Variants in MAP2K5 observed in about 807,000 individuals in gnomAD.
MAP2K5 encodes mitogen-activated protein kinase kinase 5, also known as dual specificity mitogen-activated protein kinase kinase 5.
In MAP2K5, 49 loss-of-function variants were observed where a neutral mutation model predicts 83.1. The ratio of observed to expected loss-of-function variants is 0.59; its 90% CI spans 0.47 to 0.75. MAP2K5 has a LOEUF of 0.75. Among genes scored for constraint, MAP2K5 ranks in the 30% least tolerant of loss-of-function variants. MAP2K5 has a pLI of 0.00. For synonymous variants in MAP2K5, 202 were observed against 191.8 expected, an observed-to-expected ratio of 1.05 and a Z score of -0.44; for missense variants, 457 against 557.5, an observed-to-expected ratio of 0.82 and a Z score of 1.82.
chr15:67,666,891 G>A (rs1262413862), intron 13 of MAP2K5, among the ~76,000 whole-genome samples: 1 of 152,200 alleles, frequency 6.6e-6, no homozygotes, highest in Non-Finnish European at 1.5e-5. Flanking sequence ...CTAACGAATT[G>A]CAGTGCAGAT....
chr15:67,681,584 A>T (rs1297934887), intron 13 of MAP2K5, among the ~76,000 whole-genome samples: 6 of 152,246 alleles, frequency 3.9e-5, no homozygotes, highest in African/African-American at 1.4e-4. Context: ...TTGTGCCTTT[A>T]TCTTACTATT....
At chr15:67,742,643 A>G (rs967784760) in intron 17 of MAP2K5, among the ~76,000 whole-genome samples, 2 of 152,220 alleles carry the variant, frequency 1.3e-5, no homozygotes, top group Non-Finnish European at 2.9e-5. Context: ...AAAATCTTCA[A>G]AACTTAGGTA....
chr15:67,769,704 G>T lies in MAP2K5; in HGVS notation c.1196+41G>T. 1 of 1,598,288 alleles carries T rather than the reference G, an allele frequency of 6.3e-7. No individual in the cohort carries two copies. Among genetic ancestry groups the T allele is most frequent in the South Asian group, 1.1e-5 (1 of 90,506 alleles). On this transcript the variant is annotated intron_variant, in intron 20 of 21. Coordinates refer to ENST00000178640, the MANE Select transcript of MAP2K5 (RefSeq NM_145160.3). This position sits in a 1 kb window ranked among gnomAD's most constrained non-coding sequence, Gnocchi z 5.2. ...AACATGCCATGCCCTCAATGTAAAT[G>T]ATACATGCCATTAACTCGGCAGCTC...
chr15:67,658,652 T>C, intron 12 of MAP2K5, 38 bp downstream of exon 12: 5 of 1,501,210 alleles, frequency 3.3e-6, no homozygotes, highest in Non-Finnish European at 4.6e-6. Flanking sequence ...ATTTGAGTGA[T>C]TTAATCCTTC....
chr15:67,678,092 A>G (rs1455251114), intron 13 of MAP2K5, among the ~76,000 whole-genome samples: 1 of 152,258 alleles, frequency 6.6e-6, no homozygotes, highest in Non-Finnish European at 1.5e-5. Flanking sequence ...ATGAATTTGT[A>G]ATGCAGAACG....
intron 21 of MAP2K5, among the ~76,000 whole-genome samples, chr15:67,792,014 A>C (rs1434934513): frequency 1.3e-5 from 2 of 152,182 alleles, no homozygotes; most frequent in African/African-American, 4.8e-5. Context: ...ACAGAGCACC[A>C]GGCAGAGGAG....
chr15:67,754,176 G>C (rs55847901), intron 19 of MAP2K5, among the ~76,000 whole-genome samples: 211 of 152,252 alleles, frequency 1.4e-3, no homozygotes, highest in African/African-American at 4.9e-3. Flanking sequence ...ACAGGTACAA[G>C]GTTTCTTTTT....
intron 17 of MAP2K5, among the ~76,000 whole-genome samples, chr15:67,728,296 T>C (rs2089145466): frequency 6.6e-6 from 1 of 152,192 alleles, no homozygotes; most frequent in South Asian, 2.1e-4. Context: ...CTTAAAATTT[T>C]TTGAGTTAAA....
intron 9 of MAP2K5, among the ~76,000 whole-genome samples, chr15:67,643,931 T>G (rs1019933551): frequency 6.6e-6 from 1 of 152,248 alleles, no homozygotes; most frequent in African/African-American, 2.4e-5. Context: ...TGTATATATA[T>G]TCTTCAGTTG....
At chr15:67,731,538 T>G (rs1256521242) in intron 17 of MAP2K5, among the ~76,000 whole-genome samples, 3 of 152,182 alleles carry the variant, frequency 2.0e-5, no homozygotes, top group Non-Finnish European at 4.4e-5. Flanking sequence ...GAGCACAGTC[T>G]TATTACTACT....
intron 21 of MAP2K5, among the ~76,000 whole-genome samples, chr15:67,772,999 C>G (rs980470751): frequency 6.6e-6 from 1 of 152,148 alleles, no homozygotes; most frequent in Admixed American, 6.5e-5. Flanking sequence ...GGGTCACAAA[C>G]TTAATGTAGG....
At chr15:67,551,485 A>G (rs2140946495) in intron 2 of MAP2K5, among the ~76,000 whole-genome samples, 1 of 152,188 alleles carries the variant, frequency 6.6e-6, no homozygotes, top group East Asian at 1.9e-4. Flanking sequence ...CGCATGCACC[A>G]CTATGCTTGG....
At chr15:67,560,883 A>T (rs1361518116) in intron 2 of MAP2K5, among the ~76,000 whole-genome samples, 1 of 152,230 alleles carries the variant, frequency 6.6e-6, no homozygotes, top group Admixed American at 6.5e-5. Flanking sequence ...TTGTGATTTA[A>T]ATGATTTTTA....
intron 6 of MAP2K5, among the ~76,000 whole-genome samples, chr15:67,589,675 CTTTG>C (rs1567293901): frequency 1.3e-5 from 2 of 151,960 alleles, no homozygotes; most frequent in African/African-American, 2.4e-5. Flanking sequence ...CTTGCCTGGG[CTTTG>C]TTTGGTTATT....
chr15:67,567,163 G>C (rs2084855173), intron 3 of MAP2K5, among the ~76,000 whole-genome samples: 1 of 152,180 alleles, frequency 6.6e-6, no homozygotes, highest in Non-Finnish European at 1.5e-5. Context: ...TTAATGTATT[G>C]AAAGAATTCA....
rs778242520 is a variant in MAP2K5 at position 67,698,482 on chromosome 15, G to A, written c.973-4855G>A. 6.6e-6 allele frequency among the ~76,000 whole-genome samples: 1 copy of A among 152,074 alleles called. No homozygotes were observed. Among genetic ancestry groups the A allele is most frequent in the African/African-American group, 2.4e-5 (1 of 41,414 alleles). On this transcript the variant is annotated intron_variant, in intron 15 of 21. Transcript: ENST00000178640. The surrounding 1 kb of genome is among the most constrained non-coding windows in gnomAD (Gnocchi z 4.5). ...TGGGATTACAGGTGTGAGCCACCACGCTCAGCCCAGAAATTCTAATTACTA... is the reference window on the plus strand; with the variant it reads ...TGGGATTACAGGTGTGAGCCACCACACTCAGCCCAGAAATTCTAATTACTA...
chr15:67,721,444 G>T (rs1479596046), intron 16 of MAP2K5, among the ~76,000 whole-genome samples: 2 of 152,102 alleles, frequency 1.3e-5, no homozygotes, highest in African/African-American at 2.4e-5. Context: ...TCTACACAAA[G>T]AAAAAACATT....
At chr15:67,692,585 C>A (rs763350918) in intron 14 of MAP2K5, 33 bp downstream of exon 14, 1 of 1,508,964 alleles carries the variant, frequency 6.6e-7, no homozygotes, top group African/African-American at 1.4e-5. Context: ...GTACTGTTTT[C>A]TCTGCAACAA....
rs74023020 is a variant in MAP2K5 at position 67,612,771 on chromosome 15, A to G, written c.545+12022A>G. 9.7e-3 allele frequency among the ~76,000 whole-genome samples: 1,471 copies of G among 152,310 alleles called. 31 individuals carry two copies. The highest frequency in any genetic ancestry group is 0.033 in the African/African-American group (1,388 of 41,560). ...AGCTGCAGCGAAAGTAAATAAATGA[A>G]TGGACAGCAATCACAGCCTAGTTGA... On this transcript the variant is annotated intron_variant, in intron 8 of 21. Coordinates refer to ENST00000178640, the MANE Select transcript of MAP2K5 (RefSeq NM_145160.3).
Sources: allele counts gnomAD v4.1 joint callset (sites outside exome capture counted in the v4.1 genomes callset), GRCh38; gene constraint gnomAD v4.1.1; non-coding constraint Gnocchi (gnomAD v3.1); transcripts MANE v1.5; gene names NCBI Gene and HGNC (gene_info 2026-07-23, HGNC 2026-07-21).